The following ZFYVE26 variants were observed in gnomAD, a reference collection of about 807,000 sequenced individuals.
ZFYVE26 encodes zinc finger FYVE domain-containing protein 26.
Under a neutral mutation model 276.5 loss-of-function variants are expected in ZFYVE26, and 181 were observed. The observed-to-expected ratio is 0.65, with a 90% CI of 0.58 to 0.74. The LOEUF (loss-of-function observed/expected upper bound fraction) is 0.74, where lower values mean the gene tolerates loss of function less well. ZFYVE26 is among the 30% of genes least tolerant of loss of function. ZFYVE26 has a pLI of 0.00. For synonymous variants in ZFYVE26, 1,129 were observed against 1,203.1 expected (o/e 0.94, Z 1.27); for missense variants, 2,821 against 3,097.9 (o/e 0.91, Z 2.12).
At chr14:67,768,490 G>A in intron 30 of ZFYVE26, 27 bp downstream of exon 30, 1 of 1,613,102 alleles carries the variant, frequency 6.2e-7, no homozygotes, top group Non-Finnish European at 8.5e-7. Flanking sequence ...CAAATGAAGA[G>A]TCACAGAGAA....
intron 35 of ZFYVE26, chr14:67,761,099 A>C (rs1191607011): frequency 1.6e-6 from 1 of 638,434 alleles, no homozygotes; most frequent in Admixed American, 2.3e-5. Context: ...CTTAACCACT[A>C]TCCGATTCTG....
chr14:67,757,243 G>A (rs145539295), intron 35 of ZFYVE26, among the ~76,000 whole-genome samples: 22 of 152,186 alleles, frequency 1.4e-4, no homozygotes, highest in African/African-American at 1.9e-4. Flanking sequence ...CCAAGTGACT[G>A]TTGAAACTGA....
intron 41 of ZFYVE26, among the ~76,000 whole-genome samples, chr14:67,749,093 A>C (rs543621842): frequency 6.6e-6 from 1 of 151,672 alleles, no homozygotes; most frequent in African/African-American, 2.4e-5. Context: ...TGTTTTTTCT[A>C]CTCCTGTAGT....
At position 67,750,950 on chromosome 14, in the gene ZFYVE26, G is replaced by T. The variant is rs569711992; in HGVS notation, c.7416+102C>A. 5 of 1,408,520 alleles carry T rather than the reference G, an allele frequency of 3.5e-6. No individual in the cohort carries two copies. In the South Asian group the frequency reaches 5.8e-5, roughly 16 times the overall value. The allele number at this position is 1,408,520 out of a possible 1,614,324, so 87.3% of individuals were successfully genotyped here. A position where few individuals can be genotyped will look rare whatever the true frequency, so the allele number is the denominator to read the frequency against. ...CTGATAATACAGAAGCTGAGATACG[G>T]GTTGTATGGAACTATTGTGGGGAGC... On this transcript the variant is annotated intron_variant, in intron 41 of 41. Coordinates refer to ENST00000347230, the MANE Select transcript of ZFYVE26 (RefSeq NM_015346.4).
chr14:67,761,659 AAG>A, intron 34 of ZFYVE26, 75 bp from the exon 35 acceptor site: 1 of 1,328,376 alleles, frequency 7.5e-7, no homozygotes, highest in South Asian at 1.3e-5. Context: ...ATTGCTTGCA[AAG>A]AATATTTAAC....
chr14:67,800,980 C>T (rs10134763), intron 10 of ZFYVE26, among the ~76,000 whole-genome samples: 5,590 of 151,502 alleles, frequency 0.037, 307 homozygotes, highest in African/African-American at 0.12. Context: ...TGGCCATGGG[C>T]AGTGGCTCAT....
intron 14 of ZFYVE26, among the ~76,000 whole-genome samples, chr14:67,792,828 G>A (rs1052340959): frequency 1.0e-4 from 15 of 144,946 alleles, no homozygotes; most frequent in Middle Eastern, 3.5e-3. Context: ...AGGAGAATCG[G>A]TTGAACATGG....
At chr14:67,777,459 G>C in intron 25 of ZFYVE26, 100 bp downstream of exon 25, 1 of 1,588,672 alleles carries the variant, frequency 6.3e-7, no homozygotes, top group Non-Finnish European at 8.6e-7. Flanking sequence ...AGAAGAGCTA[G>C]GCTCGCAGTC....
In ZFYVE26 at chr14:67,772,223, G is replaced by C; in HGVS notation, c.5321-13C>G. The C allele has an allele frequency of 6.2e-7, 1 of 1,611,572 alleles. No homozygotes were observed. Among genetic ancestry groups the C allele is most frequent in the Non-Finnish European group, 8.5e-7 (1 of 1,179,064 alleles). On this transcript the variant is annotated splice_polypyrimidine_tract_variant and intron_variant, in intron 27 of 41. Transcript: ENST00000347230. Reference sequence around the variant, plus strand: ...ATACTGGAGATACCTGGGAGGCAGAGCCAGAGGTCAGAGTAAAAGGTAATC... The same window carrying C: ...ATACTGGAGATACCTGGGAGGCAGACCCAGAGGTCAGAGTAAAAGGTAATC...
chr14:67,769,831 T>G, intron 28 of ZFYVE26, 101 bp from the exon 29 acceptor site: 1 of 1,510,716 alleles, frequency 6.6e-7, no homozygotes, highest in Non-Finnish European at 9.1e-7. Context: ...GCTTATACTT[T>G]CTAAGAACAC....
chr14:67,733,798 G>A, intron 13 of ZFYVE26: 1 of 1,613,534 alleles, frequency 6.2e-7, no homozygotes, highest in Non-Finnish European at 8.5e-7. Context: ...CAAAACAGCT[G>A]AGCGCCTATG....
At chr14:67,754,958 T>G in intron 37 of ZFYVE26, 93 bp downstream of exon 37, 6 of 1,423,934 alleles carry the variant, frequency 4.2e-6, no homozygotes, top group Non-Finnish European at 5.9e-6. Flanking sequence ...TTTTTCAGGA[T>G]TCAAGGAATG....
intron 2 of ZFYVE26, 42 bp downstream of exon 2, chr14:67,815,728 C>A (rs373691053): frequency 5.2e-5 from 84 of 1,601,192 alleles, no homozygotes; most frequent in Non-Finnish European, 7.1e-5. Context: ...AACCACATGT[C>A]TCTCACCCTG....
intron 28 of ZFYVE26, among the ~76,000 whole-genome samples, chr14:67,771,501 T>A (rs1009457999): frequency 1.3e-5 from 2 of 152,258 alleles, no homozygotes; most frequent in Admixed American, 6.5e-5. Context: ...TTCATCAGCG[T>A]TGAGCTGATG....
At chr14:67,781,053 C>T (rs2039484533) in intron 22 of ZFYVE26, among the ~76,000 whole-genome samples, 1 of 152,132 alleles carries the variant, frequency 6.6e-6, no homozygotes, top group African/African-American at 2.4e-5. Context: ...CTCAAAAAGA[C>T]ATGTGAAAAA....
intron 6 of ZFYVE26, 141 bp downstream of exon 6, chr14:67,806,404 T>G: frequency 1.0e-6 from 1 of 989,096 alleles, no homozygotes; most frequent in Non-Finnish European, 1.6e-6. Context: ...CCCATGGGAC[T>G]GTGGGAGGGA....
intron 35 of ZFYVE26, among the ~76,000 whole-genome samples, chr14:67,758,440 C>G (rs1594888519): frequency 1.3e-5 from 2 of 152,004 alleles, no homozygotes; most frequent in Admixed American, 6.6e-5. Flanking sequence ...GGTCAGGTGC[C>G]TGAATATACA....
chr14:67,803,972 TAG>T, intron 9 of ZFYVE26, 127 bp downstream of exon 9: 1 of 1,246,346 alleles, frequency 8.0e-7, no homozygotes, highest in Non-Finnish European at 1.2e-6. Context: ...AGTGCTCATT[TAG>T]AGGAGACCTC....
chr14:67,737,088 CTTTTTTTT>C (rs71129855), intron 13 of ZFYVE26, among the ~76,000 whole-genome samples: 4 of 104,808 alleles, frequency 3.8e-5, no homozygotes, highest in Admixed American at 1.1e-4. Flanking sequence ...TTTTTCTTTT[CTTTTTTTT>C]TTTTTTTTTT....
Sources: allele counts gnomAD v4.1 joint callset (sites outside exome capture counted in the v4.1 genomes callset), GRCh38; gene constraint gnomAD v4.1.1; transcripts MANE v1.5; gene names NCBI Gene and HGNC (gene_info 2026-07-23, HGNC 2026-07-21).